Variants in PCDHGA2 observed in about 807,000 individuals in gnomAD.
PCDHGA2 encodes protocadherin gamma-A2.
A neutral mutation model predicts 59.2 loss-of-function variants in PCDHGA2; 40 were observed. That is an observed-to-expected ratio of 0.68 (90% CI 0.52 to 0.88). The LOEUF (loss-of-function observed/expected upper bound fraction) is 0.88, where lower values mean the gene tolerates loss of function less well. Among genes scored for constraint, PCDHGA2 ranks in the 40% least tolerant of loss-of-function variants. PCDHGA2 has a pLI of 0.00. For synonymous variants in PCDHGA2, 560 were observed against 526.0 expected, an observed-to-expected ratio of 1.06 and a Z score of -0.89; for missense variants, 1,226 against 1,204.0, an observed-to-expected ratio of 1.02 and a Z score of -0.27.
intron 1 of PCDHGA2, among the ~76,000 whole-genome samples, chr5:141,380,802 T>C (rs1776746309): frequency 6.6e-6 from 1 of 152,118 alleles, no homozygotes; most frequent in African/African-American, 2.4e-5. Context: ...AAGAAACAAA[T>C]GTGAGATGAA....
chr5:141,432,495 C>G lies in PCDHGA2; in HGVS notation c.2425-62312C>G. 1.2e-6 allele frequency: 2 copies of G among 1,614,182 alleles called. No individual in the cohort carries two copies. The highest frequency in any genetic ancestry group is 1.7e-6 in the Non-Finnish European group (2 of 1,180,048). On this transcript the variant is annotated intron_variant, in intron 1 of 3. Coordinates refer to ENST00000394576, the MANE Select transcript of PCDHGA2 (RefSeq NM_018915.4). The surrounding 1 kb of genome is among the most constrained non-coding windows in gnomAD (Gnocchi z 6.0). ...GGTTCCACTGGCGTGGAGCTGGCTC[C>G]CCGCTCCGCAGAGCCCGGCTACCTG...
chr5:141,392,570 AG>A (rs1561637414), intron 1 of PCDHGA2: 1 of 443,018 alleles, frequency 2.3e-6, no homozygotes, highest in East Asian at 3.6e-5. Context: ...GTAACTATTT[AG>A]GACTGTAAGC....
At chr5:141,393,175 T>C in intron 1 of PCDHGA2, 2 of 1,613,210 alleles carry the variant, frequency 1.2e-6, no homozygotes, top group Non-Finnish European at 1.7e-6. Flanking sequence ...GGGGTAGAAA[T>C]AGAAATAATT....
intron 2 of PCDHGA2, among the ~76,000 whole-genome samples, chr5:141,498,956 A>G (rs547381859): frequency 2.4e-5 from 3 of 124,058 alleles, no homozygotes; most frequent in African/African-American, 6.3e-5. Context: ...AAAAAGAGAG[A>G]GAGGGAGGGA....
At position 141,422,391 on chromosome 5, in the gene PCDHGA2, T is replaced by A. The variant is rs1036823508; in HGVS notation, c.2425-72416T>A. On this transcript the variant is annotated intron_variant, in intron 1 of 3. Transcript: ENST00000394576. ...ATGGTCAAGTCTCCTGTTTTATTCCTAACCACCTGCCTTTTAAATTAGAAA... is the reference window on the plus strand; with the variant it reads ...ATGGTCAAGTCTCCTGTTTTATTCCAAACCACCTGCCTTTTAAATTAGAAA... 2.5e-6 allele frequency: 4 copies of A among 1,591,932 alleles called. No individual in the cohort carries two copies. The African/African-American group carries it at 4.1e-5, about 16-fold the overall frequency.
At chr5:141,395,079 G>C in intron 1 of PCDHGA2, 1 of 1,614,142 alleles carries the variant, frequency 6.2e-7, no homozygotes, top group Non-Finnish European at 8.5e-7. Flanking sequence ...CTATTCCCAG[G>C]AAGTCTCCCT....
intron 1 of PCDHGA2, chr5:141,392,075 TG>T (rs2092461871): frequency 6.6e-6 from 1 of 152,236 alleles, no homozygotes. Context: ...GTAATTCAAG[TG>T]GCATTTAGAA....
At chr5:141,430,829 T>A (rs763916884) in intron 1 of PCDHGA2, 1 of 1,554,558 alleles carries the variant, frequency 6.4e-7, no homozygotes, top group Non-Finnish European at 8.7e-7. Context: ...GGGGACTCTG[T>A]GGGAGACCGG....
At chr5:141,351,170 G>A (rs369227522) in intron 1 of PCDHGA2, 4 of 1,614,038 alleles carry the variant, frequency 2.5e-6, no homozygotes, top group Non-Finnish European at 3.4e-6. Flanking sequence ...TGGCACATTG[G>A]ATTTTGAAGA....
At position 141,489,385 on chromosome 5, in the gene PCDHGA2, G is replaced by C. The variant is rs893348832; in HGVS notation, c.2425-5422G>C. The stretch of plus-strand genomic sequence containing the variant: ...GCCGGGGACGCTGGTGGGGAATGTT[G>C]CTCAGGATCTGGGCTTAAAGATGAC... On this transcript the variant is annotated intron_variant, in intron 1 of 3. Transcript: ENST00000394576. This position sits in a 1 kb window ranked among gnomAD's most constrained non-coding sequence, Gnocchi z 4.5. The C allele has an allele frequency of 6.2e-7, 1 of 1,613,924 alleles. No individual in the cohort carries two copies. Among genetic ancestry groups the C allele is most frequent in the Non-Finnish European group, 8.5e-7 (1 of 1,179,896 alleles).
intron 1 of PCDHGA2, chr5:141,415,453 G>A (rs759873920): frequency 1.9e-6 from 3 of 1,614,176 alleles, no homozygotes. Context: ...CTATTCCCAC[G>A]AGGTCTCTCT....
At chr5:141,478,483 G>A in intron 1 of PCDHGA2, 13 of 1,613,548 alleles carry the variant, frequency 8.1e-6, no homozygotes, top group Non-Finnish European at 1.1e-5. Flanking sequence ...AGAACACGCT[G>A]CGGAGCTGTG....
rs745658462 is a variant in PCDHGA2 at position 141,414,720 on chromosome 5, T to C, written c.2424+73325T>C. 6 of 1,614,132 alleles carry C rather than the reference T, an allele frequency of 3.7e-6. No homozygotes were observed. The East Asian group carries it at 1.3e-4, about 36-fold the overall frequency. ...CATACATATCCATCAACTCAGACAC[T>C]GGCGTCCTGTATGCACTCAGATCCT... On this transcript the variant is annotated intron_variant, in intron 1 of 3. Coordinates refer to ENST00000394576, the MANE Select transcript of PCDHGA2 (RefSeq NM_018915.4).
At chr5:141,351,761 G>A (rs749923347) in intron 1 of PCDHGA2, 37 of 1,613,456 alleles carry the variant, frequency 2.3e-5, no homozygotes, top group Non-Finnish European at 2.5e-5. Flanking sequence ...GTTGTCCTAC[G>A]TGTCCGTGAG....
intron 1 of PCDHGA2, chr5:141,383,506 G>A: frequency 6.2e-7 from 1 of 1,612,872 alleles, no homozygotes; most frequent in Non-Finnish European, 8.5e-7. Flanking sequence ...GCTGGACCGG[G>A]AGGAAGAGCG....
chr5:141,384,294 C>T, intron 1 of PCDHGA2: 1 of 1,613,864 alleles, frequency 6.2e-7, no homozygotes. Context: ...CTGAGAACAA[C>T]CCCAGAGGGG....
At chr5:141,449,328 C>G (rs1340432771) in intron 1 of PCDHGA2, among the ~76,000 whole-genome samples, 1 of 151,866 alleles carries the variant, frequency 6.6e-6, no homozygotes, top group African/African-American at 2.4e-5. Flanking sequence ...ATCTGTAGGC[C>G]AGGTGCAGTG....
intron 1 of PCDHGA2, chr5:141,361,644 C>T (rs1762109660): frequency 6.2e-7 from 1 of 1,613,846 alleles, no homozygotes; most frequent in Non-Finnish European, 8.5e-7. Context: ...AGATTTTATC[C>T]TACGTGTCCG....
At position 141,432,957 on chromosome 5, in the gene PCDHGA2, C is replaced by T. The variant is rs2097553676; in HGVS notation, c.2425-61850C>T. 1 of 1,614,190 alleles carries T rather than the reference C, an allele frequency of 6.2e-7. No individual in the cohort carries two copies. The highest frequency in any genetic ancestry group is 8.5e-7 in the Non-Finnish European group (1 of 1,180,030). ...CTGCAGGCTTCAGGAGGCGGCTTGA[C>T]AGGAGCGCCGGCGTCGCACTTTGTG... On this transcript the variant is annotated intron_variant, in intron 1 of 3. Coordinates refer to ENST00000394576, the MANE Select transcript of PCDHGA2 (RefSeq NM_018915.4). This position sits in a 1 kb window ranked among gnomAD's most constrained non-coding sequence, Gnocchi z 6.0.
Sources: allele counts gnomAD v4.1 joint callset (sites outside exome capture counted in the v4.1 genomes callset), GRCh38; gene constraint gnomAD v4.1.1; non-coding constraint Gnocchi (gnomAD v3.1); transcripts MANE v1.5; gene names NCBI Gene and HGNC (gene_info 2026-07-23, HGNC 2026-07-21).